POC1B: variants seen among roughly 807,000 people sequenced by gnomAD.
POC1B encodes POC1 centriolar protein homolog B.
A neutral mutation model predicts 60.6 loss-of-function variants in POC1B; 44 were observed. The ratio of observed to expected loss-of-function variants is 0.73; its 90% CI spans 0.57 to 0.93. The LOEUF (loss-of-function observed/expected upper bound fraction) is 0.93. Among genes scored for constraint, POC1B ranks in the 40% least tolerant of loss-of-function variants. The probability of loss-of-function intolerance (pLI) is 0.00; values close to 1 mark genes in which losing one functional copy is unlikely to be tolerated. For synonymous variants in POC1B, 180 were observed against 198.9 expected, an observed-to-expected ratio of 0.90 and a Z score of 0.80; for missense variants, 555 against 572.3, an observed-to-expected ratio of 0.97 and a Z score of 0.31.
At chr12:89,419,591 T>G (rs1880447227), downstream of POC1B, 1 of 152,034 alleles carries the variant, frequency 6.6e-6, no homozygotes, top group Non-Finnish European at 1.5e-5. Flanking sequence ...GCTCTGGAGA[T>G]AGGGCCCAGG....
chr12:89,499,194 G>C (rs988483521), intron 2 of POC1B, among the ~76,000 whole-genome samples: 1 of 152,148 alleles, frequency 6.6e-6, no homozygotes, highest in African/African-American at 2.4e-5. Context: ...GGTGGGAGGT[G>C]TGTCTTCTTC....
At chr12:89,515,907 G>A (rs948515724) in intron 2 of POC1B, among the ~76,000 whole-genome samples, 25 of 151,900 alleles carry the variant, frequency 1.6e-4, no homozygotes, top group African/African-American at 5.8e-4. Flanking sequence ...TACACATAAC[G>A]TTCAATCCCT....
At chr12:89,521,627 A>T (rs948487507) in intron 2 of POC1B, 1 of 176,326 alleles carries the variant, frequency 5.7e-6, no homozygotes, top group Admixed American at 6.3e-5. Context: ...TTTACCAATG[A>T]GAAAACTAAG....
rs1218047132 is a variant in POC1B, at chr12:89,437,720, A to C, written c.1114-12341T>G. On this transcript the variant is annotated intron_variant, in intron 10 of 11. Coordinates refer to ENST00000313546, the MANE Select transcript of POC1B (RefSeq NM_172240.3). ...CATTTGTACATTCTCATTGCTTGGT[A>C]TATAACAGGTACTCAATAAATTTAC... 2.0e-5 allele frequency among the ~76,000 whole-genome samples: 3 copies of C among 150,904 alleles called. No individual in the cohort carries two copies. In the Admixed American group the frequency reaches 2.0e-4, roughly 10 times the overall value.
intron 2 of POC1B, among the ~76,000 whole-genome samples, chr12:89,503,000 T>C (rs562801206): frequency 3.9e-4 from 60 of 152,310 alleles, no homozygotes; most frequent in African/African-American, 1.4e-3. Context: ...AAAGTTTGTA[T>C]AGTTGGGACA....
intron 2 of POC1B, chr12:89,524,888 C>T: frequency 1.4e-6 from 1 of 691,846 alleles, no homozygotes; most frequent in Non-Finnish European, 2.4e-6. Flanking sequence ...AAGTCGTCCG[C>T]CAGGCCCAGA....
In POC1B at chr12:89,466,704, C is replaced by T. The variant is rs1592605981; in HGVS notation, c.1032+66G>A. On this transcript the variant is annotated intron_variant, in intron 9 of 11. Coordinates refer to ENST00000313546, the MANE Select transcript of POC1B (RefSeq NM_172240.3). ...TTATATATAATTCAGTAATTTCAAA[C>T]ACCTCCTTCAGCAAAAGCCTCAAAA... The T allele has an allele frequency of 1.0e-5, 15 of 1,446,454 alleles. No homozygotes were observed. The East Asian group carries it at 3.3e-4, about 31-fold the overall frequency. The allele number at this position is 1,446,454 out of a possible 1,614,324, so 89.6% of individuals were successfully genotyped here.
intron 10 of POC1B, among the ~76,000 whole-genome samples, chr12:89,436,269 G>A (rs1440416328): frequency 2.0e-5 from 3 of 152,000 alleles, no homozygotes; most frequent in Non-Finnish European, 4.4e-5. Context: ...TTTTTAAAGA[G>A]GAAGTCATGA....
chr12:89,526,047 C>G lies in POC1B; in HGVS notation c.-152G>C, dbSNP rs902293817. On this transcript the variant is annotated 5_prime_UTR_variant, in exon 1 of 12. Transcript: ENST00000313546. ...GTCACTACAACAACGGCGGCCCAGT[C>G]AAACCCCGCGCTCCAGGCATGGCCA... The G allele has an allele frequency of 1.7e-5, 26 of 1,533,634 alleles. 1 individual carries two copies. The Admixed American group carries it at 4.9e-4, about 29-fold the overall frequency.
chr12:89,444,509 C>T (rs768719914), intron 10 of POC1B, among the ~76,000 whole-genome samples: 1 of 152,054 alleles, frequency 6.6e-6, no homozygotes, highest in Non-Finnish European at 1.5e-5. Flanking sequence ...AAAAACCACA[C>T]AATTATCTCA....
intron 2 of POC1B, among the ~76,000 whole-genome samples, chr12:89,507,275 A>AG (rs1869949610): frequency 6.7e-6 from 1 of 150,068 alleles, no homozygotes; most frequent in Non-Finnish European, 1.5e-5. Context: ...TCAAAAAAAA[A>AG]AAAAAAAAAA....
At chr12:89,473,114 A>C (rs1167715281) in intron 4 of POC1B, among the ~76,000 whole-genome samples, 3 of 152,212 alleles carry the variant, frequency 2.0e-5, no homozygotes, top group Non-Finnish European at 4.4e-5. Flanking sequence ...TTTCACAGTA[A>C]CAAAAACCAA....
At chr12:89,503,264 G>A (rs1235458573) in intron 2 of POC1B, among the ~76,000 whole-genome samples, 1 of 152,184 alleles carries the variant, frequency 6.6e-6, no homozygotes, top group African/African-American at 2.4e-5. Context: ...GCAGGCACGC[G>A]CCGCCACGCC....
chr12:89,473,914 T>C (rs1393477184), intron 4 of POC1B, among the ~76,000 whole-genome samples: 2 of 151,254 alleles, frequency 1.3e-5, no homozygotes, highest in African/African-American at 4.9e-5. Context: ...ATAATAATTA[T>C]AAAAAACTGG....
intron 2 of POC1B, among the ~76,000 whole-genome samples, chr12:89,503,078 TCTATCC>T (rs150344164): frequency 1.1e-4 from 16 of 149,710 alleles, no homozygotes; most frequent in South Asian, 2.2e-4. Flanking sequence ...AAAAAAGACA[TCTATCC>T]CTATCCCTAT....
the POC1B span, among the ~76,000 whole-genome samples, chr12:89,410,548 C>T: frequency 8.6e-4 from 130 of 151,994 alleles, no homozygotes; most frequent in African/African-American, 3.0e-3. Context: ...GGCATGGTGG[C>T]GGGCGCCTGT....
the POC1B span, among the ~76,000 whole-genome samples, chr12:89,412,364 T>C: frequency 9.0e-4 from 137 of 151,832 alleles, 2 homozygotes; most frequent in African/African-American, 3.2e-3. Context: ...TTTCTTTTTT[T>C]TTTTTTTGTA....
At chr12:89,517,060 C>A (rs1870476310) in intron 2 of POC1B, among the ~76,000 whole-genome samples, 1 of 152,110 alleles carries the variant, frequency 6.6e-6, no homozygotes, top group Non-Finnish European at 1.5e-5. Flanking sequence ...GGAGGGCCAC[C>A]ATTTAAACCC....
At chr12:89,469,228 C>G (rs1882797845) in intron 7 of POC1B, among the ~76,000 whole-genome samples, 1 of 151,862 alleles carries the variant, frequency 6.6e-6, no homozygotes, top group Non-Finnish European at 1.5e-5. Flanking sequence ...CCACTGCACT[C>G]CAGCCTGGGT....
Sources: gnomAD v4.1 joint callset for allele counts (sites outside exome capture counted in the v4.1 genomes callset) on GRCh38, gnomAD v4.1.1 for gene constraint, MANE v1.5 for transcripts, NCBI Gene and HGNC (gene_info 2026-07-23, HGNC 2026-07-21) for gene names.